NPR3: variants seen among roughly 807,000 people sequenced by gnomAD.
NPR3 encodes atrial natriuretic peptide receptor 3.
In NPR3, 34 loss-of-function variants were observed where a neutral mutation model predicts 54.5. The ratio of observed to expected loss-of-function variants is 0.62; its 90% confidence interval spans 0.47 to 0.83. The LOEUF is 0.83. NPR3 is among the 40% of genes least tolerant of loss of function. The probability of loss-of-function intolerance (pLI) is 0.00; values close to 1 mark genes in which losing one functional copy is unlikely to be tolerated. For missense variants in NPR3, 674 were observed against 720.8 expected (o/e 0.94, Z 0.74); for synonymous variants, 289 against 297.1 (o/e 0.97, Z 0.28).
At chr5:32,735,605 T>C (rs1354787532) in intron 2 of NPR3, among the ~76,000 whole-genome samples, 4 of 152,174 alleles carry the variant, frequency 2.6e-5, no homozygotes, top group African/African-American at 9.7e-5. Context: ...TTACTGCGGC[T>C]GTGAACGCTT....
intron 3 of NPR3, among the ~76,000 whole-genome samples, chr5:32,770,429 CA>C (rs148069259): frequency 4.6e-4 from 57 of 123,510 alleles, no homozygotes; most frequent in Admixed American, 4.1e-4. Flanking sequence ...GACTCTGTTT[CA>C]AAAAAAAAAA....
At chr5:32,735,256 C>T (rs762541977) in intron 2 of NPR3, among the ~76,000 whole-genome samples, 2 of 152,106 alleles carry the variant, frequency 1.3e-5, no homozygotes, top group African/African-American at 2.4e-5. Context: ...CCTCCTCCTC[C>T]ATCTGGCTCT....
intron 3 of NPR3, among the ~76,000 whole-genome samples, chr5:32,764,300 T>C (rs186186267): frequency 3.4e-4 from 52 of 152,252 alleles, no homozygotes; most frequent in African/African-American, 1.2e-3. Context: ...TCTTCTGATC[T>C]TTAAAGCCAA....
chr5:32,714,196 C>A (rs571731724), intron 1 of NPR3, among the ~76,000 whole-genome samples: 2 of 152,378 alleles, frequency 1.3e-5, no homozygotes, highest in East Asian at 1.9e-4. Flanking sequence ...CCCCTATGGG[C>A]GAGATCCGCG....
chr5:32,738,793 A>G, intron 2 of NPR3, 71 bp from the exon 3 acceptor site: 2 of 1,388,726 alleles, frequency 1.4e-6, no homozygotes, highest in Non-Finnish European at 2.0e-6. Context: ...GGCGCCTCAC[A>G]GTTGTGAAGG....
chr5:32,778,438 C>T (rs906196342), intron 4 of NPR3, among the ~76,000 whole-genome samples: 1 of 152,004 alleles, frequency 6.6e-6, no homozygotes, highest in African/African-American at 2.4e-5. Flanking sequence ...ATTAAGTGAC[C>T]ATTAAGTTGT....
upstream of NPR3, chr5:32,710,637 G>C: frequency 6.8e-7 from 1 of 1,469,462 alleles, no homozygotes; most frequent in South Asian, 1.4e-5. Context: ...GTGACGCCCG[G>C]GCCAGCCGGG....
chr5:32,715,029 C>A (rs12522446), intron 1 of NPR3, among the ~76,000 whole-genome samples: 27 of 152,124 alleles, frequency 1.8e-4, no homozygotes, highest in Non-Finnish European at 1.5e-5. Flanking sequence ...ATGAAGTGCT[C>A]AATAAATGTG....
intron 1 of NPR3, among the ~76,000 whole-genome samples, chr5:32,723,211 C>T (rs1486245480): frequency 6.6e-6 from 1 of 152,204 alleles, no homozygotes; most frequent in Non-Finnish European, 1.5e-5. Context: ...CTCCAGGTCT[C>T]TCTGCACAGT....
chr5:32,758,250 T>C (rs1323119022), intron 3 of NPR3, among the ~76,000 whole-genome samples: 1 of 152,222 alleles, frequency 6.6e-6, no homozygotes, highest in Non-Finnish European at 1.5e-5. Context: ...TTTTGGTTGG[T>C]AGCCTATTAA....
intron 4 of NPR3, among the ~76,000 whole-genome samples, chr5:32,780,452 A>T (rs577871188): frequency 1.3e-5 from 2 of 152,348 alleles, no homozygotes; most frequent in African/African-American, 4.8e-5. Flanking sequence ...GATTAGCCTT[A>T]ATCTTTTTTC....
chr5:32,752,051 A>C lies in NPR3; in HGVS notation c.1059+13021A>C, dbSNP rs543189786. ...ACCCCGTCTCTACTAAAAATACAAAAAAGTTAGCTGAGTGTGGTGGTGGGT... is the reference window on the plus strand; with the variant it reads ...ACCCCGTCTCTACTAAAAATACAAACAAGTTAGCTGAGTGTGGTGGTGGGT... On this transcript the variant is annotated intron_variant, in intron 3 of 7. Coordinates refer to ENST00000265074, the MANE Select transcript of NPR3 (RefSeq NM_001204375.2). Among the ~76,000 whole-genome samples, 29 of 152,112 alleles carry C rather than the reference A, an allele frequency of 1.9e-4. 1 individual carries two copies. The South Asian group carries it at 5.4e-3, about 28-fold the overall frequency.
intron 4 of NPR3, among the ~76,000 whole-genome samples, chr5:32,780,201 T>C (rs1043617846): frequency 9.2e-5 from 14 of 152,178 alleles, no homozygotes; most frequent in African/African-American, 3.1e-4. Context: ...AGAAGAATAG[T>C]TCTTCTTAGC....
chr5:32,759,797 C>T (rs1417396440), intron 3 of NPR3, among the ~76,000 whole-genome samples: 2 of 152,106 alleles, frequency 1.3e-5, no homozygotes, highest in Non-Finnish European at 2.9e-5. Context: ...GTAAGGCAGG[C>T]CTGGTGGTGA....
rs1742517373 is a variant in NPR3, at chr5:32,784,725, A to G, written c.1427-71A>G. ...ATGGGAAATCGAGGAACTTCTTGCA[A>G]TGAATGAAACTCGAGGCATTTCTAA... is the stretch of plus-strand genomic sequence containing the variant. On this transcript the variant is annotated intron_variant, in intron 6 of 7. Transcript: ENST00000265074. 6.6e-6 allele frequency: 8 copies of G among 1,215,554 alleles called. No individual in the cohort carries two copies. In the South Asian group the frequency reaches 7.5e-5, roughly 11 times the overall value. The allele number at this position is 1,215,554 out of a possible 1,614,324, so 75.3% of individuals were successfully genotyped here.
intron 2 of NPR3, among the ~76,000 whole-genome samples, chr5:32,725,034 A>T (rs1739066339): frequency 6.6e-6 from 1 of 152,138 alleles, no homozygotes; most frequent in Non-Finnish European, 1.5e-5. Context: ...AGAAAATCAA[A>T]CACTGCATGC....
chr5:32,713,064 C>A lies in NPR3; in HGVS notation c.769+519C>A, dbSNP rs1396189126. The A allele has an allele frequency of 8.3e-6, 5 of 599,120 alleles. No individual in the cohort carries two copies. In the African/African-American group the frequency reaches 1.0e-4, roughly 12 times the overall value. 37.1% of individuals were successfully genotyped at this position (599,120 alleles called of 1,614,324 possible). A position where few individuals can be genotyped will look rare whatever the true frequency, so the allele number is the denominator to read the frequency against. On this transcript the variant is annotated intron_variant, in intron 1 of 7. Coordinates refer to ENST00000265074, the MANE Select transcript of NPR3 (RefSeq NM_001204375.2). ...CTCTGACTGTTGTTTCCACAGACCC[C>A]AGGTTTCTTTTAAAGGCTTGTTGAC...
intron 3 of NPR3, among the ~76,000 whole-genome samples, chr5:32,759,644 A>G (rs2112008546): frequency 6.6e-6 from 1 of 152,276 alleles, no homozygotes; most frequent in African/African-American, 2.4e-5. Flanking sequence ...TGATTCTGTC[A>G]TTATTATGTT....
intron 3 of NPR3, among the ~76,000 whole-genome samples, chr5:32,772,422 T>G (rs575774119): frequency 2.4e-4 from 37 of 151,820 alleles, no homozygotes; most frequent in Non-Finnish European, 3.5e-4. Context: ...CAAACTCTCC[T>G]GCAAATCAGC....
Sources: allele counts gnomAD v4.1 joint callset (sites outside exome capture counted in the v4.1 genomes callset), GRCh38; gene constraint gnomAD v4.1.1; transcripts MANE v1.5; gene names NCBI Gene and HGNC (gene_info 2026-07-23, HGNC 2026-07-21).